XIRP2: variants seen among roughly 807,000 people sequenced by gnomAD.
The protein encoded by XIRP2 is xin actin-binding repeat-containing protein 2.
Under a neutral mutation model 277.0 loss-of-function variants are expected in XIRP2, and 236 were observed. The observed-to-expected ratio is 0.85, with a 90% CI of 0.77 to 0.95. The LOEUF (loss-of-function observed/expected upper bound fraction) is 0.95, where lower values mean the gene tolerates loss of function less well. Among genes scored for constraint, XIRP2 ranks in the 40% least tolerant of loss-of-function variants. The pLI, the probability that XIRP2 is intolerant of heterozygous loss-of-function variation, is 0.00. For missense variants in XIRP2, 4,640 were observed against 4,157.5 expected (o/e 1.12, Z -3.19); for synonymous variants, 1,490 against 1,416.5 (o/e 1.05, Z -1.17).
rs1312924783 is a variant in XIRP2, at chr2:167,187,148, G to A, written c.563-23587G>A. 6.3e-6 allele frequency: 4 copies of A among 635,812 alleles called. No homozygotes were observed. In the African/African-American group the frequency reaches 8.0e-5, roughly 13 times the overall value. The allele number at this position is 635,812 out of a possible 1,614,324, so 39.4% of individuals were successfully genotyped here. ...TTATACAGAAATTCAGAGTTGGCTG[G>A]TGGTCGTGGCTGTGGAAGGGAGTTT... is the stretch of plus-strand genomic sequence containing the variant. On this transcript the variant is annotated intron_variant, in intron 3 of 10. Coordinates refer to ENST00000409195, the MANE Select transcript of XIRP2 (RefSeq NM_152381.6).
intron 3 of XIRP2, among the ~76,000 whole-genome samples, chr2:167,147,259 G>A (rs541692951): frequency 2.6e-5 from 4 of 152,286 alleles, no homozygotes; most frequent in African/African-American, 4.8e-5. Context: ...TAGGCAGTAT[G>A]GAGGAAAGGG....
intron 2 of XIRP2, among the ~76,000 whole-genome samples, chr2:167,007,445 A>C (rs1241208584): frequency 6.6e-6 from 1 of 151,748 alleles, no homozygotes; most frequent in Non-Finnish European, 1.5e-5. Flanking sequence ...TGACATTACC[A>C]GTAATGTTAA....
At chr2:167,083,949 T>C (rs1033748086) in intron 2 of XIRP2, among the ~76,000 whole-genome samples, 4 of 151,190 alleles carry the variant, frequency 2.6e-5, no homozygotes, top group African/African-American at 7.3e-5. Context: ...TCCTGCCTAA[T>C]TGCCCTGGCC....
intron 2 of XIRP2, among the ~76,000 whole-genome samples, chr2:167,089,711 G>T (rs761480713): frequency 8.5e-5 from 13 of 152,222 alleles, no homozygotes; most frequent in Non-Finnish European, 1.8e-4. Context: ...TGCATTACGT[G>T]ACACAGAACA....
At chr2:167,018,031 A>G (rs1297638582) in intron 2 of XIRP2, among the ~76,000 whole-genome samples, 1 of 152,050 alleles carries the variant, frequency 6.6e-6, no homozygotes, top group Non-Finnish European at 1.5e-5. Context: ...CCTCTTTGTA[A>G]GCTTACAAGA....
At chr2:167,185,569 G>T (rs1281781462) in intron 3 of XIRP2, among the ~76,000 whole-genome samples, 1 of 151,986 alleles carries the variant, frequency 6.6e-6, no homozygotes, top group Non-Finnish European at 1.5e-5. Flanking sequence ...GAAGCTAGAA[G>T]TCAGATCTTT....
intron 1 of XIRP2, among the ~76,000 whole-genome samples, chr2:166,902,653 T>C (rs1470637643): frequency 1.3e-5 from 2 of 152,014 alleles, no homozygotes; most frequent in African/African-American, 2.4e-5. Context: ...CCATTTTTTT[T>C]CTTCCTTATC....
chr2:167,137,784 G>A (rs960442923), intron 3 of XIRP2, among the ~76,000 whole-genome samples: 1 of 152,136 alleles, frequency 6.6e-6, no homozygotes, highest in African/African-American at 2.4e-5. Flanking sequence ...CAAGGTGGAT[G>A]AACATAGCAG....
rs192385699 is a variant in XIRP2, at chr2:167,082,955, C to T, written c.409-52954C>T. On this transcript the variant is annotated intron_variant, in intron 2 of 10. Coordinates refer to ENST00000409195, the MANE Select transcript of XIRP2 (RefSeq NM_152381.6). ...AGAAGCTCTTTAGTTTAATTAGATC[C>T]CGTTTGTCAATTTTGTCATTTGTTG... Among the ~76,000 whole-genome samples the T allele has an allele frequency of 1.8e-3, 270 of 152,172 alleles. 3 individuals carry two copies. Among genetic ancestry groups the T allele is most frequent in the African/African-American group, 5.7e-3 (236 of 41,526 alleles).
At chr2:166,925,740 A>C (rs1230645181) in intron 2 of XIRP2, among the ~76,000 whole-genome samples, 1 of 151,326 alleles carries the variant, frequency 6.6e-6, no homozygotes, top group Non-Finnish European at 1.5e-5. Flanking sequence ...GCACAGGGGC[A>C]AGTGTGCAAT....
chr2:167,191,201 A>G (rs1387109783), intron 3 of XIRP2, among the ~76,000 whole-genome samples: 1 of 150,940 alleles, frequency 6.6e-6, no homozygotes, highest in Non-Finnish European at 1.5e-5. Flanking sequence ...AAAAAAAAAA[A>G]AGAAAAAGAA....
At chr2:167,240,451 T>C (rs1207151766) in intron 6 of XIRP2, among the ~76,000 whole-genome samples, 1 of 152,122 alleles carries the variant, frequency 6.6e-6, no homozygotes, top group Admixed American at 6.6e-5. Flanking sequence ...AGGCACCCTA[T>C]AAAAGTATGA....
intron 2 of XIRP2, among the ~76,000 whole-genome samples, chr2:167,063,617 A>G (rs961478258): frequency 2.0e-5 from 3 of 151,920 alleles, no homozygotes; most frequent in Non-Finnish European, 2.9e-5. Flanking sequence ...GTTATCAGGT[A>G]TATACACATT....
rs546188647 is a variant in XIRP2, at chr2:166,918,550, ATATTTATCT to A, written c.408+14671_408+14679del. Among the ~76,000 whole-genome samples the A allele has an allele frequency of 1.6e-4, 24 of 152,192 alleles. 2 individuals are homozygous for A. The East Asian group carries it at 4.5e-3, about 28-fold the overall frequency. ...CAGTGAATAGAAATATTGAAGGAAC[ATATTTATCT>A]TATTTATCTTTTAAAACATATTTAT... On this transcript the variant is annotated intron_variant, in intron 2 of 10. Coordinates refer to ENST00000409195, the MANE Select transcript of XIRP2 (RefSeq NM_152381.6).
chr2:167,215,638 C>A (rs1449632039), intron 4 of XIRP2, among the ~76,000 whole-genome samples: 9 of 152,270 alleles, frequency 5.9e-5, no homozygotes, highest in African/African-American at 2.2e-4. Context: ...GGTCTTAAGG[C>A]TTTGAGGGTT....
chr2:166,913,344 A>G (rs996177898), intron 2 of XIRP2, among the ~76,000 whole-genome samples: 3 of 150,786 alleles, frequency 2.0e-5, no homozygotes, highest in African/African-American at 7.3e-5. Flanking sequence ...TGCCTTGCAG[A>G]TCAATCTCAG....
At chr2:167,190,469 G>A (rs1475086079) in intron 3 of XIRP2, among the ~76,000 whole-genome samples, 2 of 152,068 alleles carry the variant, frequency 1.3e-5, no homozygotes, top group Admixed American at 1.3e-4. Context: ...GCCAGGGACT[G>A]GGGACTAAGA....
intron 3 of XIRP2, among the ~76,000 whole-genome samples, chr2:167,187,741 C>T (rs1025286537): frequency 6.6e-6 from 1 of 152,048 alleles, no homozygotes; most frequent in Admixed American, 6.6e-5. Context: ...TGCAGAATAG[C>T]ATTTTTCATA....
At chr2:167,000,731 A>C (rs1478502510) in intron 2 of XIRP2, among the ~76,000 whole-genome samples, 1 of 152,090 alleles carries the variant, frequency 6.6e-6, no homozygotes, top group Non-Finnish European at 1.5e-5. Flanking sequence ...AGTTATTTTC[A>C]GGATCTATAT....
Sources: gnomAD v4.1 joint callset for allele counts (sites outside exome capture counted in the v4.1 genomes callset) on GRCh38, gnomAD v4.1.1 for gene constraint, MANE v1.5 for transcripts, NCBI Gene and HGNC (gene_info 2026-07-23, HGNC 2026-07-21) for gene names.